Variants in PYCR2 observed in about 807,000 individuals in gnomAD.
The protein encoded by PYCR2 is P5C reductase 2.
PYCR2 carries 17 observed loss-of-function variants against 23.4 expected under a neutral mutation model. That is an observed-to-expected ratio of 0.73 (90% confidence interval 0.50 to 1.09). PYCR2 has a LOEUF of 1.09. Ranked by LOEUF, PYCR2 falls within the 50% of genes least tolerant of loss-of-function variation. The probability of loss-of-function intolerance (pLI) is 0.00; values close to 1 mark genes in which losing one functional copy is unlikely to be tolerated. For synonymous variants in PYCR2, 172 were observed against 176.6 expected (o/e 0.97, Z 0.21); for missense variants, 380 against 423.5 (o/e 0.90, Z 0.90).
At position 225,923,556 on chromosome 1, in the gene PYCR2, G is replaced by A. The variant is rs1671907760; in HGVS notation, c.138+145C>T. The stretch of plus-strand genomic sequence containing the variant: ...CACATTGAGCTGCCCAAGAGAAGGT[G>A]GAAAGATTGTCACGTTCCTGGAGTA... On this transcript the variant is annotated intron_variant, in intron 2 of 6. Coordinates refer to ENST00000343818, the MANE Select transcript of PYCR2 (RefSeq NM_013328.4). 21 of 1,501,380 alleles carry A rather than the reference G, an allele frequency of 1.4e-5. No homozygotes were observed. In the South Asian group the frequency reaches 2.1e-4, roughly 15 times the overall value. The allele number at this position is 1,501,380 out of a possible 1,614,324, so 93.0% of individuals were successfully genotyped here.
rs755805611 is a variant in PYCR2 at position 225,922,222 on chromosome 1, G to A, written c.300C>T (p.Thr100=). ...TGGGCACCTTCTCCACAGAGCTGAT[G>A]GTGACACCAGCCGCACAGGAGACCA... ...HIVVSCAAGV[T]ISSVEKKLMA... The change falls in exon 3 of 7, where the codon ACC becomes ACT. Residue 100 remains threonine (T), a synonymous_variant. Transcript: ENST00000343818. The A allele has an allele frequency of 1.3e-5, 21 of 1,613,982 alleles. No individual in the cohort carries two copies. In the Middle Eastern group the frequency reaches 9.9e-4, roughly 76 times the overall value.
chr1:225,923,878 CCCCTCAA>C (rs1392580394), intron 1 of PYCR2, 107 bp from the exon 2 acceptor site: 6 of 1,526,376 alleles, frequency 3.9e-6, no homozygotes, highest in Non-Finnish European at 4.5e-6. Context: ...TCTCCCTCTC[CCCCTCAA>C]CCCTCTACGA....
At chr1:225,922,626 T>G in intron 2 of PYCR2, 2 of 516,222 alleles carry the variant, frequency 3.9e-6, no homozygotes, top group Non-Finnish European at 6.9e-6. Flanking sequence ...GTGGCTGCCC[T>G]TCTTCCCTGC....
At chr1:225,923,459 C>T (rs966355574) in intron 2 of PYCR2, 1 of 1,373,606 alleles carries the variant, frequency 7.3e-7, no homozygotes, top group Non-Finnish European at 9.4e-7. Flanking sequence ...ATCACATAAT[C>T]ACCTCAGTTA....
In PYCR2 at chr1:225,921,233, C is replaced by T; in HGVS notation, c.772G>A (p.Val258Ile). The T allele has an allele frequency of 6.2e-7, 1 of 1,613,990 alleles. No homozygotes were observed. Among genetic ancestry groups the T allele is most frequent in the Non-Finnish European group, 8.5e-7 (1 of 1,179,916 alleles). The part of the protein sequence containing the change: ...GGFRSLLINA[V>I]EASCIRTREL... ...CGTGTTCGGATACAGGAGGCCTCAA[C>T]TGCATTGATGAGCAGAGAGCGGAAG... The change falls in exon 6 of 7, where the codon GTT becomes ATT. Residue 258 changes from valine to isoleucine, a missense_variant. By Grantham distance (29) the Val-to-Ile change is conservative. Coordinates refer to ENST00000343818, the MANE Select transcript of PYCR2 (RefSeq NM_013328.4). This position sits in a 1 kb window ranked among gnomAD's most constrained non-coding sequence, Gnocchi z 4.2.
chr1:225,922,321 A>G lies in PYCR2; in HGVS notation c.201T>C (p.Phe67=), dbSNP rs375457964. 2.5e-6 allele frequency: 4 copies of G among 1,614,226 alleles called. No homozygotes were observed. The highest frequency in any genetic ancestry group is 3.4e-6 in the Non-Finnish European group (4 of 1,180,038). ...GGATGATATGTGGCTTCACAGCCAGAAACAGGACGTCGCTGTGCTTCACCG... is the reference window on the plus strand; with the variant it reads ...GGATGATATGTGGCTTCACAGCCAGGAACAGGACGTCGCTGTGCTTCACCG... ...KETVKHSDVL[F]LAVKPHIIPF... Residue 67 remains phenylalanine (F), a synonymous_variant, in exon 3 of 7, where the codon TTT becomes TTC. Transcript: ENST00000343818.
intron 3 of PYCR2, 21 bp from the exon 4 acceptor site, chr1:225,922,100 G>A (rs374893763): frequency 4.2e-5 from 67 of 1,610,260 alleles, no homozygotes; most frequent in Admixed American, 1.0e-4. Flanking sequence ...GGAGAGAGCC[G>A]AATGAGTGGC....
In PYCR2 at chr1:225,920,612, T is replaced by C. The variant is rs779411794; in HGVS notation, c.806A>G (p.Gln269Arg). The change falls in exon 7 of 7, where the codon CAG becomes CGG. Residue 269 changes from glutamine (Q) to arginine (R), a missense_variant. By Grantham distance (43) the Gln-to-Arg change is conservative. Coordinates refer to ENST00000343818, the MANE Select transcript of PYCR2 (RefSeq NM_013328.4). Reference sequence around the variant, plus strand: ...GATCTTTTCTTGGTCGGCCATGGACTGTAGCTCTCTGCAGACAAAACCCCA... The same window carrying C: ...GATCTTTTCTTGGTCGGCCATGGACCGTAGCTCTCTGCAGACAAAACCCCA... ...EASCIRTREL[Q>R]SMADQEKISP... The C allele has an allele frequency of 6.2e-7, 1 of 1,613,590 alleles. No homozygotes were observed. Among genetic ancestry groups the C allele is most frequent in the Admixed American group, 1.7e-5 (1 of 60,012 alleles).
chr1:225,923,872 C>T, intron 1 of PYCR2, 101 bp from the exon 2 acceptor site: 1 of 1,538,492 alleles, frequency 6.5e-7, no homozygotes, highest in Non-Finnish European at 8.8e-7. Context: ...TGCCAGTCTC[C>T]CTCTCCCCCT....
Position 225,921,926 on chromosome 1 carries a change from A to C in PYCR2, c.472T>G (p.Phe158Val). 6.2e-7 allele frequency: 1 copy of C among 1,614,004 alleles called. No homozygotes were observed. The highest frequency in any genetic ancestry group is 1.1e-5 in the South Asian group (1 of 91,072). The change falls in exon 4 of 7, where the codon TTC becomes GTC. Residue 158 changes from phenylalanine to valine, a missense_variant. Coordinates refer to ENST00000343818, the MANE Select transcript of PYCR2 (RefSeq NM_013328.4). This position sits in a 1 kb window ranked among gnomAD's most constrained non-coding sequence, Gnocchi z 4.2. ...AGGTCCTCTTCCACCTCAGTGCAGA[A>C]GCCCACGCTGCTCATGAGCTGCTCC... Reference protein sequence around the residue: ...LLEQLMSSVGFCTEVEEDLID... With the variant: ...LLEQLMSSVGVCTEVEEDLID...
At chr1:225,923,058 T>G in intron 2 of PYCR2, 3 of 958,106 alleles carry the variant, frequency 3.1e-6, no homozygotes, top group Non-Finnish European at 3.7e-6. Flanking sequence ...TGGCCACTGT[T>G]GTAAATGAGG....
chr1:225,921,534 C>A lies in PYCR2; in HGVS notation c.633+18G>T, dbSNP rs770830461. ...ATTCTACACCCTGGTCCTGAACATG[C>A]GGGGGAAAGATACTGACCAGCAAAG... On this transcript the variant is annotated intron_variant, in intron 5 of 6. Transcript: ENST00000343818. This position sits in a 1 kb window ranked among gnomAD's most constrained non-coding sequence, Gnocchi z 4.2. 11 of 1,613,480 alleles carry A rather than the reference C, an allele frequency of 6.8e-6. No individual in the cohort carries two copies. Among genetic ancestry groups the A allele is most frequent in the Admixed American group, 1.7e-5 (1 of 59,988 alleles).
rs1378555224 is a variant in PYCR2 at position 225,923,657 on chromosome 1, T to C, written c.138+44A>G. On this transcript the variant is annotated intron_variant, in intron 2 of 6. Transcript: ENST00000343818. ...CTCACTTCATCTCAGGTCATCCTTT[T>C]CCTGGGCCTCCACCCGCTTCCCACT... 5.6e-6 allele frequency: 9 copies of C among 1,613,004 alleles called. No homozygotes were observed. The South Asian group carries it at 9.9e-5, about 18-fold the overall frequency.
rs1379094841 is a variant in PYCR2 at position 225,921,494 on chromosome 1, T to G, written c.633+58A>C. 1.9e-6 allele frequency: 3 copies of G among 1,597,382 alleles called. No individual in the cohort carries two copies. The highest frequency in any genetic ancestry group is 1.3e-5 in the African/African-American group (1 of 74,546). ...ACCAACTCCCACCTCAGTTCAGTGA[T>G]GCACAAGAACCCCCATTCTACACCC... On this transcript the variant is annotated intron_variant, in intron 5 of 6. Transcript: ENST00000343818. This position sits in a 1 kb window ranked among gnomAD's most constrained non-coding sequence, Gnocchi z 4.2.
rs1671835091 is a variant in PYCR2 at position 225,921,464 on chromosome 1, TC to T, written c.633+87del. 6.4e-7 allele frequency: 1 copy of T among 1,565,158 alleles called. No individual in the cohort carries two copies. On this transcript the variant is annotated intron_variant, in intron 5 of 6. Coordinates refer to ENST00000343818, the MANE Select transcript of PYCR2 (RefSeq NM_013328.4). The surrounding 1 kb of genome is among the most constrained non-coding windows in gnomAD (Gnocchi z 4.2). ...CTCCTGCCCAACTGCTACCCCAGCT[TC>T]CCAACCAACTCCCACCTCAGTTCAG... is the stretch of plus-strand genomic sequence containing the variant.
At chr1:225,920,738 A>G in intron 6 of PYCR2, 118 bp from the exon 7 acceptor site, 2 of 1,200,062 alleles carry the variant, frequency 1.7e-6, no homozygotes, top group South Asian at 2.6e-5. Context: ...CAAAAATTAG[A>G]GCCCCAAGAC....
In PYCR2 at chr1:225,920,601, C is replaced by G; in HGVS notation, c.817G>C (p.Asp273His). Residue 273 changes from aspartate to histidine, a missense_variant, in exon 7 of 7, where the codon GAC (aspartate) becomes CAC (histidine). Coordinates refer to ENST00000343818, the MANE Select transcript of PYCR2 (RefSeq NM_013328.4). ...IRTRELQSMADQEKISPAALK... is the reference protein window; with the variant it reads ...IRTRELQSMAHQEKISPAALK... ...GCAGCTGGGGAGATCTTTTCTTGGT[C>G]GGCCATGGACTGTAGCTCTCTGCAG... is the stretch of plus-strand genomic sequence containing the variant. 6.2e-7 allele frequency: 1 copy of G among 1,613,552 alleles called. No homozygotes were observed. Among genetic ancestry groups the G allele is most frequent in the South Asian group, 1.1e-5 (1 of 91,050 alleles).
rs908185152 is a variant in PYCR2 at position 225,920,352 on chromosome 1, C to T, written c.*103G>A. On this transcript the variant is annotated 3_prime_UTR_variant, in exon 7 of 7. Coordinates refer to ENST00000343818, the MANE Select transcript of PYCR2 (RefSeq NM_013328.4). ...ACTTCCTAAGCATGCTTTCTCCTTG[C>T]ACAGCTGAGGAGGGGCAATGGTGGG... The T allele has an allele frequency of 7.8e-6, 9 of 1,148,872 alleles. No homozygotes were observed. The highest frequency in any genetic ancestry group is 1.1e-5 in the Non-Finnish European group (9 of 850,460). 71.2% of individuals were successfully genotyped at this position (1,148,872 alleles called of 1,614,324 possible).
chr1:225,921,901 A>G lies in PYCR2; in HGVS notation c.497T>C (p.Leu166Pro). The G allele has an allele frequency of 6.2e-7, 1 of 1,613,578 alleles. No homozygotes were observed. The highest frequency in any genetic ancestry group is 1.1e-5 in the South Asian group (1 of 91,056). Residue 166 changes from leucine (L) to proline (P), a missense_variant, in exon 4 of 7, where the codon CTC (leucine) becomes CCC (proline). Leu to Pro is a moderately conservative substitution (Grantham distance 98, BLOSUM62 -3). Transcript: ENST00000343818. This position sits in a 1 kb window ranked among gnomAD's most constrained non-coding sequence, Gnocchi z 4.2. The stretch of plus-strand genomic sequence containing the variant: ...ACTGAGCCCCGTGACGGCATCGATG[A>G]GGTCCTCTTCCACCTCAGTGCAGAA... ...VGFCTEVEEDLIDAVTGLSGS... is the reference protein window; with the variant it reads ...VGFCTEVEEDPIDAVTGLSGS...
Sources: gnomAD v4.1 joint callset for allele counts on GRCh38, gnomAD v4.1.1 for gene constraint, Gnocchi (gnomAD v3.1) non-coding constraint, MANE v1.5 for transcripts, NCBI Gene and HGNC (gene_info 2026-07-23, HGNC 2026-07-21) for gene names.